Variants in SLMAP observed in about 807,000 individuals in gnomAD.
SLMAP encodes the protein sarcolemmal membrane-associated protein.
Under a neutral mutation model 128.8 loss-of-function variants are expected in SLMAP, and 44 were observed. That is an observed-to-expected ratio of 0.34 (90% CI 0.27 to 0.44). The LOEUF is 0.44. Among genes scored for constraint, SLMAP ranks in the 20% least tolerant of loss-of-function variants. The probability of loss-of-function intolerance (pLI) is 1.00; values close to 1 mark genes in which losing one functional copy is unlikely to be tolerated. For synonymous variants in SLMAP, 327 were observed against 348.8 expected (o/e 0.94, Z 0.70); for missense variants, 787 against 985.3 (o/e 0.80, Z 2.69).
chr3:57,828,094 A>G (rs183184671), intron 2 of SLMAP, among the ~76,000 whole-genome samples: 48 of 152,314 alleles, frequency 3.2e-4, no homozygotes, highest in African/African-American at 1.1e-3. Context: ...AGTAGCTGGG[A>G]TAACAGGCGT....
chr3:57,821,936 C>CTCCTCT (rs1249805450), intron 2 of SLMAP, among the ~76,000 whole-genome samples: 4 of 151,508 alleles, frequency 2.6e-5, no homozygotes, highest in East Asian at 1.9e-4. Context: ...CCTCCTCCTC[C>CTCCTCT]TCCTCTTTCT....
Position 57,857,723 on chromosome 3 carries a change from G to A in SLMAP, c.520-10G>A, listed in dbSNP as rs569279094. 3.8e-6 allele frequency: 6 copies of A among 1,583,902 alleles called. No individual in the cohort carries two copies. Among genetic ancestry groups the A allele is most frequent in the Non-Finnish European group, 5.2e-6 (6 of 1,153,054 alleles). ...CTTATTAGAATCTGTTTTGTGATTT[G>A]TAATACTAGGAGGCCTTACATCGGG... On this transcript the variant is annotated splice_polypyrimidine_tract_variant and intron_variant, in intron 6 of 24. Transcript: ENST00000671191.
chr3:57,839,110 A>T (rs1462118562), intron 3 of SLMAP, among the ~76,000 whole-genome samples: 1 of 150,922 alleles, frequency 6.6e-6, no homozygotes, highest in Middle Eastern at 3.4e-3. Context: ...CACCACCCCC[A>T]CCCTGCTAAT....
chr3:57,867,591 T>C (rs1247140709), intron 13 of SLMAP, among the ~76,000 whole-genome samples: 1 of 152,130 alleles, frequency 6.6e-6, no homozygotes, highest in African/African-American at 2.4e-5. Flanking sequence ...AGCAATAAAT[T>C]TCTAGATGTA....
chr3:57,818,986 C>T (rs1267458286), intron 2 of SLMAP, among the ~76,000 whole-genome samples: 1 of 152,182 alleles, frequency 6.6e-6, no homozygotes, highest in African/African-American at 2.4e-5. Flanking sequence ...CATGTGGCAG[C>T]AGAAAAATGA....
intron 21 of SLMAP, among the ~76,000 whole-genome samples, chr3:57,915,126 C>A (rs2096783552): frequency 6.6e-6 from 1 of 152,060 alleles, no homozygotes; most frequent in Non-Finnish European, 1.5e-5. Context: ...CCTTGGCCTC[C>A]CTAAGTGCTG....
chr3:57,855,686 A>T (rs1191265262), intron 6 of SLMAP, among the ~76,000 whole-genome samples: 1 of 148,690 alleles, frequency 6.7e-6, no homozygotes, highest in African/African-American at 2.5e-5. Context: ...GACCATCCTG[A>T]GCAACATAAG....
intron 2 of SLMAP, among the ~76,000 whole-genome samples, chr3:57,795,823 C>G (rs1238262314): frequency 1.3e-5 from 2 of 152,032 alleles, no homozygotes; most frequent in African/African-American, 4.8e-5. Flanking sequence ...TAAATAATAA[C>G]TCTCCCTTCC....
intron 17 of SLMAP, chr3:57,901,745 A>C (rs73088396): frequency 0.057 from 8,729 of 152,292 alleles, 364 homozygotes; most frequent in Non-Finnish European, 0.092. Flanking sequence ...TTTAAGAGTT[A>C]TGTCGGCCAG....
chr3:57,843,580 A>G lies in SLMAP; in HGVS notation c.419+2209A>G, dbSNP rs143554432. Among the ~76,000 whole-genome samples, 329 of 151,966 alleles carry G rather than the reference A, an allele frequency of 2.2e-3. 1 individual carries two copies. The highest frequency in any genetic ancestry group is 7.7e-3 in the African/African-American group (318 of 41,512). On this transcript the variant is annotated intron_variant, in intron 4 of 24. Transcript: ENST00000671191. ...CTTGGTCTCCCAAAGTGCTGGGATT[A>G]TAGGCCTGAGCCACCACGCCTGGCC...
intron 5 of SLMAP, among the ~76,000 whole-genome samples, chr3:57,848,268 T>C (rs2094347577): frequency 6.6e-6 from 1 of 150,624 alleles, no homozygotes; most frequent in African/African-American, 2.4e-5. Flanking sequence ...CTCCTCCTCC[T>C]CTTACTCCAT....
chr3:57,882,641 G>A (rs2153635734), intron 14 of SLMAP, among the ~76,000 whole-genome samples: 1 of 152,318 alleles, frequency 6.6e-6, no homozygotes, highest in South Asian at 2.1e-4. Flanking sequence ...GGACCTGGCT[G>A]TGTTCTCATA....
intron 10 of SLMAP, 102 bp from the exon 11 acceptor site, chr3:57,864,446 A>T: frequency 1.4e-6 from 1 of 704,206 alleles, no homozygotes; most frequent in Non-Finnish European, 2.4e-6. Context: ...TTTCTACAGA[A>T]CAAACTTTTC....
intron 2 of SLMAP, among the ~76,000 whole-genome samples, chr3:57,766,165 ATTTT>A (rs869169620): frequency 9.0e-4 from 77 of 85,686 alleles, no homozygotes; most frequent in African/African-American, 4.0e-3. Context: ...CACCCGGCTA[ATTTT>A]TTTTTTTTTT....
At position 57,831,375 on chromosome 3, in the gene SLMAP, T is replaced by G. The variant is rs1577207539; in HGVS notation, c.199-8T>G. ...TTGGCCCTTTTTTGTTTTTGTTTTT[T>G]TTTGCAGTTTTATCTTCAAGACACT... On this transcript the variant is annotated splice_polypyrimidine_tract_variant and splice_region_variant and intron_variant, in intron 2 of 24. Coordinates refer to ENST00000671191, the MANE Select transcript of SLMAP (RefSeq NM_001377540.1). 10 of 1,474,234 alleles carry G rather than the reference T, an allele frequency of 6.8e-6. No individual in the cohort carries two copies. The highest frequency in any genetic ancestry group is 2.9e-5 in the African/African-American group (2 of 69,524). 91.3% of individuals were successfully genotyped at this position (1,474,234 alleles called of 1,614,324 possible).
intron 13 of SLMAP, among the ~76,000 whole-genome samples, chr3:57,868,228 C>T (rs951940325): frequency 6.6e-6 from 1 of 152,120 alleles, no homozygotes; most frequent in South Asian, 2.1e-4. Flanking sequence ...CCACTGTACT[C>T]AGCCTGGGTG....
intron 17 of SLMAP, among the ~76,000 whole-genome samples, chr3:57,906,331 T>TTTTTTTTTTTTG (rs1384252190): frequency 7.2e-6 from 1 of 138,282 alleles, no homozygotes; most frequent in African/African-American, 2.6e-5. Flanking sequence ...TTTTTTTTTT[T>TTTTTTTTTTTTG]TAGAGACACA....
chr3:57,796,708 G>C (rs1433521182), intron 2 of SLMAP, among the ~76,000 whole-genome samples: 4 of 152,166 alleles, frequency 2.6e-5, no homozygotes, highest in Non-Finnish European at 4.4e-5. Flanking sequence ...TTTCATCACA[G>C]AGACTGATTA....
intron 2 of SLMAP, among the ~76,000 whole-genome samples, chr3:57,797,029 T>A (rs1441837618): frequency 3.3e-5 from 5 of 151,272 alleles, no homozygotes; most frequent in African/African-American, 4.8e-5. Context: ...TTTTTTTTTT[T>A]AAATTAGTCG....
Sources: allele counts gnomAD v4.1 joint callset (sites outside exome capture counted in the v4.1 genomes callset), GRCh38; gene constraint gnomAD v4.1.1; transcripts MANE v1.5; gene names NCBI Gene and HGNC (gene_info 2026-07-23, HGNC 2026-07-21).